The following MSI2 variants were observed in gnomAD, a reference collection of about 807,000 sequenced individuals.
The protein encoded by MSI2 is musashi RNA binding protein 2.
MSI2 carries 17 observed loss-of-function variants against 45.6 expected under a neutral mutation model. The observed-to-expected ratio is 0.37, with a 90% CI of 0.26 to 0.56. The LOEUF (loss-of-function observed/expected upper bound fraction) is 0.56, where lower values mean the gene tolerates loss of function less well. Among genes scored for constraint, MSI2 ranks in the 20% least tolerant of loss-of-function variants. MSI2 has a pLI of 0.77. For missense variants in MSI2, 293 were observed against 444.2 expected, an observed-to-expected ratio of 0.66 and a Z score of 3.06; for synonymous variants, 156 against 158.2, an observed-to-expected ratio of 0.99 and a Z score of 0.11.
chr17:57,577,182 T>C (rs1490587339), intron 7 of MSI2, among the ~76,000 whole-genome samples: 1 of 152,186 alleles, frequency 6.6e-6, no homozygotes, highest in African/African-American at 2.4e-5. Context: ...TCCCCAACCA[T>C]GAGTGGCCGT....
At chr17:57,661,327 G>A (rs941213591) in intron 11 of MSI2, among the ~76,000 whole-genome samples, 14 of 152,196 alleles carry the variant, frequency 9.2e-5, no homozygotes, top group Non-Finnish European at 8.8e-5. Flanking sequence ...TAGTGGAGGA[G>A]GCAAGACATG....
chr17:57,665,977 A>T (rs1912335375), intron 11 of MSI2, among the ~76,000 whole-genome samples: 2 of 152,088 alleles, frequency 1.3e-5, no homozygotes, highest in East Asian at 1.9e-4. Flanking sequence ...GGGCAGTCAG[A>T]TCCTGACCTC....
chr17:57,284,559 T>A (rs1451400079), intron 5 of MSI2, among the ~76,000 whole-genome samples: 1 of 152,186 alleles, frequency 6.6e-6, no homozygotes, highest in Non-Finnish European at 1.5e-5. Context: ...TACGAAGAGA[T>A]GGGAAGATGT....
At chr17:57,381,552 T>C (rs2083598620) in intron 5 of MSI2, among the ~76,000 whole-genome samples, 2 of 152,144 alleles carry the variant, frequency 1.3e-5, no homozygotes, top group South Asian at 2.1e-4. Flanking sequence ...TATGCCCCAG[T>C]AGCAGGTTAC....
Position 57,577,324 on chromosome 17 carries a change from G to A in MSI2, c.455-19544G>A, listed in dbSNP as rs145311148. 6.2e-4 allele frequency among the ~76,000 whole-genome samples: 95 copies of A among 152,324 alleles called. 1 individual carries two copies. In the East Asian group the frequency reaches 0.018, roughly 29 times the overall value. Reference sequence around the variant, plus strand: ...GCCCCTTTCCCCAGAAATATTCAGAGACTAGAATTGATGAGGCAGCAAGAT... The same window carrying A: ...GCCCCTTTCCCCAGAAATATTCAGAAACTAGAATTGATGAGGCAGCAAGAT... On this transcript the variant is annotated intron_variant, in intron 7 of 13. Transcript: ENST00000284073.
chr17:57,288,280 A>C (rs559658814), intron 5 of MSI2, among the ~76,000 whole-genome samples: 81 of 152,326 alleles, frequency 5.3e-4, no homozygotes, highest in African/African-American at 1.4e-3. Context: ...TTGATTATGC[A>C]GCCAGCCTGG....
chr17:57,555,541 T>TAC (rs1454599183), intron 7 of MSI2, among the ~76,000 whole-genome samples: 1 of 152,098 alleles, frequency 6.6e-6, no homozygotes, highest in African/African-American at 2.4e-5. Context: ...TATTAACCCC[T>TAC]ACCCACCTTT....
intron 6 of MSI2, among the ~76,000 whole-genome samples, chr17:57,455,414 T>A (rs922786190): frequency 1.3e-5 from 2 of 152,192 alleles, no homozygotes; most frequent in Non-Finnish European, 2.9e-5. Flanking sequence ...CTTTTGCCTT[T>A]GTGAAAACCA....
At chr17:57,495,028 G>T (rs1364912093) in intron 6 of MSI2, among the ~76,000 whole-genome samples, 1 of 152,180 alleles carries the variant, frequency 6.6e-6, no homozygotes, top group Non-Finnish European at 1.5e-5. Flanking sequence ...ACCTGGAGTG[G>T]GTTGCAATTT....
At chr17:57,356,993 A>G (rs1916470221) in intron 5 of MSI2, among the ~76,000 whole-genome samples, 1 of 151,926 alleles carries the variant, frequency 6.6e-6, no homozygotes, top group Non-Finnish European at 1.5e-5. Context: ...ACGCTCCAAC[A>G]TTGCACCTCC....
In MSI2 at chr17:57,531,459, G is replaced by C. The variant is rs528894537; in HGVS notation, c.454+1735G>C. On this transcript the variant is annotated intron_variant, in intron 7 of 13. Coordinates refer to ENST00000284073, the MANE Select transcript of MSI2 (RefSeq NM_138962.4). ...ACTGAGAGACCCATGGCTGAGCAGG[G>C]TCTCAGGACTATTGATTTCAAATTC... 5.8e-4 allele frequency among the ~76,000 whole-genome samples: 89 copies of C among 152,328 alleles called. 2 individuals carry two copies. Among genetic ancestry groups the C allele is most frequent in the Admixed American group, 5.8e-3 (89 of 15,302 alleles).
chr17:57,490,853 T>C (rs2085856678), intron 6 of MSI2, among the ~76,000 whole-genome samples: 1 of 151,992 alleles, frequency 6.6e-6, no homozygotes, highest in Non-Finnish European at 1.5e-5. Flanking sequence ...GGGGAAATTT[T>C]GCATTCTTCA....
At chr17:57,404,885 C>T (rs1313263753) in intron 6 of MSI2, among the ~76,000 whole-genome samples, 1 of 152,128 alleles carries the variant, frequency 6.6e-6, no homozygotes, top group Non-Finnish European at 1.5e-5. Flanking sequence ...CCCCCTCTCC[C>T]CAAGGTTAGA....
In MSI2 at chr17:57,516,913, C is replaced by G. The variant is rs567020094; in HGVS notation, c.406-12763C>G. ...CTGAATTGCTTACAGCCAGTTTGCT[C>G]CTCTAGAAAATGAGTGGACTGGACT... On this transcript the variant is annotated intron_variant, in intron 6 of 13. Coordinates refer to ENST00000284073, the MANE Select transcript of MSI2 (RefSeq NM_138962.4). Among the ~76,000 whole-genome samples the G allele has an allele frequency of 5.3e-5, 8 of 152,284 alleles. No homozygotes were observed. The South Asian group carries it at 1.7e-3, about 32-fold the overall frequency.
intron 8 of MSI2, chr17:57,601,097 T>G (rs1905823790): frequency 6.6e-6 from 1 of 152,330 alleles, no homozygotes; most frequent in African/African-American, 2.4e-5. Flanking sequence ...CCTCCATCAC[T>G]GACCACCCTT....
chr17:57,366,960 T>C (rs980648199), intron 5 of MSI2, among the ~76,000 whole-genome samples: 2 of 152,148 alleles, frequency 1.3e-5, no homozygotes, highest in Non-Finnish European at 2.9e-5. Context: ...CTCTCTCCTA[T>C]CTAAATATAT....
At chr17:57,556,769 A>G (rs190296641) in intron 7 of MSI2, among the ~76,000 whole-genome samples, 143 of 152,348 alleles carry the variant, frequency 9.4e-4, no homozygotes, top group African/African-American at 3.4e-3. Flanking sequence ...TAATATCTTT[A>G]AGGTAAAACC....
chr17:57,503,172 C>T (rs182427362), intron 6 of MSI2, among the ~76,000 whole-genome samples: 11 of 152,166 alleles, frequency 7.2e-5, no homozygotes, highest in African/African-American at 2.6e-4. Flanking sequence ...TGATACGAGT[C>T]CAAGGAATGA....
intron 11 of MSI2, among the ~76,000 whole-genome samples, chr17:57,656,402 C>A (rs899517297): frequency 6.6e-5 from 10 of 152,064 alleles, no homozygotes; most frequent in Non-Finnish European, 1.5e-4. Flanking sequence ...TTTTTTATTT[C>A]TTAAGGCCTA....
Sources: gnomAD v4.1 joint callset for allele counts (sites outside exome capture counted in the v4.1 genomes callset) on GRCh38, gnomAD v4.1.1 for gene constraint, MANE v1.5 for transcripts, NCBI Gene and HGNC (gene_info 2026-07-23, HGNC 2026-07-21) for gene names.